Variants in TACC2 observed in about 807,000 individuals in gnomAD.
The protein encoded by TACC2 is transforming acidic coiled-coil-containing protein 2.
Under a neutral mutation model 227.3 loss-of-function variants are expected in TACC2, and 137 were observed. The observed-to-expected ratio is 0.60, with a 90% CI of 0.52 to 0.69. The LOEUF (loss-of-function observed/expected upper bound fraction) is 0.69, where lower values mean the gene tolerates loss of function less well. Ranked by LOEUF, TACC2 falls within the 30% of genes least tolerant of loss-of-function variation. The pLI, the probability that TACC2 is intolerant of heterozygous loss-of-function variation, is 0.00. For synonymous variants in TACC2, 1,523 were observed against 1,487.5 expected (o/e 1.02, Z -0.55); for missense variants, 3,470 against 3,694.4 (o/e 0.94, Z 1.57).
At chr10:122,098,690 A>G (rs111456563) in intron 5 of TACC2, among the ~76,000 whole-genome samples, 1,660 of 152,310 alleles carry the variant, frequency 0.011, 35 homozygotes, top group African/African-American at 0.037. Context: ...TATTGCTACT[A>G]TCATTAATAT....
Position 122,092,747 on chromosome 10 carries a change from C to T in TACC2, c.5573+4156C>T, listed in dbSNP as rs143910633. On this transcript the variant is annotated intron_variant, in intron 5 of 22. Transcript: ENST00000369005. ...TGTCCCCCACTCTGAGAAACAGGCA[C>T]TCTTCTCACTCTGAGAAGCAGGAAC... Among the ~76,000 whole-genome samples the T allele has an allele frequency of 1.4e-3, 217 of 152,332 alleles. 1 individual carries two copies. Among genetic ancestry groups the T allele is most frequent in the Non-Finnish European group, 1.9e-3 (130 of 68,030 alleles).
intron 18 of TACC2, among the ~76,000 whole-genome samples, chr10:122,241,461 T>G (rs2095991103): frequency 6.6e-6 from 1 of 152,040 alleles, no homozygotes. Flanking sequence ...CTGGTTAATT[T>G]TGTATTTTTT....
intron 5 of TACC2, among the ~76,000 whole-genome samples, chr10:122,115,715 G>A (rs940909333): frequency 1.3e-5 from 2 of 152,186 alleles, no homozygotes; most frequent in African/African-American, 4.8e-5. Flanking sequence ...GCTTGATGGG[G>A]AGCACCTGTG....
At chr10:122,140,292 A>G (rs1346027673) in intron 6 of TACC2, among the ~76,000 whole-genome samples, 1 of 152,218 alleles carries the variant, frequency 6.6e-6, no homozygotes, top group Middle Eastern at 3.2e-3. Context: ...TCAATAAGTC[A>G]TGGCTGTCTG....
At chr10:122,072,471 A>G (rs1402206305) in intron 3 of TACC2, among the ~76,000 whole-genome samples, 1 of 152,210 alleles carries the variant, frequency 6.6e-6, no homozygotes, top group Non-Finnish European at 1.5e-5. Context: ...TGGACAAGTT[A>G]GGACCATGTG....
intron 14 of TACC2, among the ~76,000 whole-genome samples, chr10:122,228,376 GT>G (rs1348405854): frequency 1.3e-5 from 2 of 152,154 alleles, no homozygotes; most frequent in Admixed American, 1.3e-4. Flanking sequence ...GAAACAGTTA[GT>G]TTTCCTGGGA....
intron 1 of TACC2, among the ~76,000 whole-genome samples, chr10:122,010,827 A>G (rs1268932251): frequency 6.6e-6 from 1 of 152,094 alleles, no homozygotes; most frequent in Non-Finnish European, 1.5e-5. Flanking sequence ...CCACCCCAAC[A>G]CTTAGTGGTT....
At chr10:122,243,549 G>A (rs1589906855) in intron 19 of TACC2, among the ~76,000 whole-genome samples, 2 of 152,230 alleles carry the variant, frequency 1.3e-5, no homozygotes, top group Non-Finnish European at 2.9e-5. Flanking sequence ...CATGGTGCAT[G>A]CTTCCTATCA....
rs1401058971 is a variant in TACC2, at chr10:122,084,598, A to T, written c.2098A>T (p.Thr700Ser). ...AGGATTGCAGCCCAAATGTCCTGACACCCTTCAGAGCAGGGAAGGATTGGG... is the reference window on the plus strand; with the variant it reads ...AGGATTGCAGCCCAAATGTCCTGACTCCCTTCAGAGCAGGGAAGGATTGGG... ...GSGLQPKCPD[T>S]LQSREGLGRM... Residue 700 changes from threonine to serine, a missense_variant, in exon 4 of 23, where the codon ACC becomes TCC. Physicochemically the swap from Thr to Ser is moderately conservative, Grantham distance 58 (BLOSUM62 1). Coordinates refer to ENST00000369005, the MANE Select transcript of TACC2 (RefSeq NM_206862.4). 4 of 1,613,862 alleles carry T rather than the reference A, an allele frequency of 2.5e-6. No homozygotes were observed. Among genetic ancestry groups the T allele is most frequent in the Non-Finnish European group, 3.4e-6 (4 of 1,180,034 alleles).
intron 3 of TACC2, among the ~76,000 whole-genome samples, chr10:122,079,880 G>A (rs554082627): frequency 6.6e-6 from 1 of 152,312 alleles, no homozygotes; most frequent in Admixed American, 6.5e-5. Flanking sequence ...AAGCACTGAG[G>A]CCTAGTGAAT....
intron 11 of TACC2, among the ~76,000 whole-genome samples, chr10:122,222,803 G>A (rs1477392450): frequency 6.6e-6 from 1 of 152,208 alleles, no homozygotes; most frequent in African/African-American, 2.4e-5. Context: ...GGTGCCCTGT[G>A]CTGTACTGGA....
At chr10:122,114,339 G>C (rs540996934) in intron 5 of TACC2, among the ~76,000 whole-genome samples, 2 of 152,244 alleles carry the variant, frequency 1.3e-5, no homozygotes, top group African/African-American at 2.4e-5. Flanking sequence ...GGACTGTGAC[G>C]TGAGGCAGTG....
chr10:121,997,584 G>A (rs1225047333), intron 1 of TACC2, among the ~76,000 whole-genome samples: 1 of 151,432 alleles, frequency 6.6e-6, no homozygotes. Context: ...GTTGGGAGGG[G>A]TGAGGAATGA....
At chr10:122,005,205 C>T (rs1335686296) in intron 1 of TACC2, among the ~76,000 whole-genome samples, 4 of 151,658 alleles carry the variant, frequency 2.6e-5, no homozygotes, top group Non-Finnish European at 4.4e-5. Context: ...CCTCAGCCTC[C>T]CGAGTAAGTG....
At chr10:122,164,019 A>C (rs749801923) in intron 7 of TACC2, 2 of 1,563,910 alleles carry the variant, frequency 1.3e-6, no homozygotes, top group African/African-American at 1.4e-5. Flanking sequence ...GGCCGCCCCG[A>C]GTCTCCCGGG....
At chr10:122,239,963 A>G (rs2095950190) in intron 18 of TACC2, among the ~76,000 whole-genome samples, 1 of 152,236 alleles carries the variant, frequency 6.6e-6, no homozygotes, top group African/African-American at 2.4e-5. Flanking sequence ...AGAGTAGAGC[A>G]GAAGGATTAT....
At chr10:122,187,188 G>A (rs757781055) in intron 7 of TACC2, among the ~76,000 whole-genome samples, 3 of 152,226 alleles carry the variant, frequency 2.0e-5, no homozygotes, top group Non-Finnish European at 4.4e-5. Context: ...GCAGACACAT[G>A]TATGCACACC....
intron 1 of TACC2, among the ~76,000 whole-genome samples, chr10:122,015,316 C>T (rs1158290873): frequency 6.6e-6 from 1 of 151,872 alleles, no homozygotes; most frequent in Middle Eastern, 3.2e-3. Context: ...ACCAGCCTGC[C>T]CAACATGGTG....
chr10:122,213,275 C>G (rs778898723), intron 9 of TACC2: 84 of 1,528,786 alleles, frequency 5.5e-5, no homozygotes, highest in Non-Finnish European at 7.5e-5. Flanking sequence ...AACCAGTTGT[C>G]TGCAGATTTA....
Sources: allele counts gnomAD v4.1 joint callset (sites outside exome capture counted in the v4.1 genomes callset), GRCh38; gene constraint gnomAD v4.1.1; transcripts MANE v1.5; gene names NCBI Gene and HGNC (gene_info 2026-07-23, HGNC 2026-07-21).